ANKRD28: variants seen among roughly 807,000 people sequenced by gnomAD.
The protein encoded by ANKRD28 is ankyrin repeat domain 28.
In ANKRD28, 44 loss-of-function variants were observed where a neutral mutation model predicts 126.5. That is an observed-to-expected ratio of 0.35 (90% CI 0.27 to 0.45). The LOEUF (loss-of-function observed/expected upper bound fraction) is 0.45. Ranked by LOEUF, ANKRD28 falls within the 20% of genes least tolerant of loss-of-function variation. The pLI is 1.00. For missense variants in ANKRD28, 1,110 were observed against 1,316.6 expected, an observed-to-expected ratio of 0.84 and a Z score of 2.43; for synonymous variants, 442 against 468.5, an observed-to-expected ratio of 0.94 and a Z score of 0.73.
chr3:15,726,051 T>A (rs1458177516), intron 6 of ANKRD28, among the ~76,000 whole-genome samples: 1 of 152,000 alleles, frequency 6.6e-6, no homozygotes, highest in African/African-American at 2.4e-5. Flanking sequence ...TCCAAAAAAG[T>A]GGTTAACTTA....
intron 27 of ANKRD28, among the ~76,000 whole-genome samples, chr3:15,670,984 T>C (rs142902310): frequency 6.6e-6 from 1 of 152,386 alleles, no homozygotes; most frequent in Admixed American, 6.5e-5. Flanking sequence ...TGTAGTTATG[T>C]AAGGAAACTT....
chr3:15,826,759 G>C (rs2061075686), intron 1 of ANKRD28, among the ~76,000 whole-genome samples: 1 of 152,128 alleles, frequency 6.6e-6, no homozygotes, highest in African/African-American at 2.4e-5. Context: ...GAACTGAAAT[G>C]GCGGCAAAAT....
intron 26 of ANKRD28, chr3:15,676,302 T>C: frequency 4.3e-6 from 1 of 230,258 alleles, no homozygotes. Context: ...GAAATTGCAT[T>C]CCTCCGTTGT....
chr3:15,851,571 ATAAATAAATAAATAAAT>A (rs2061651419), intron 1 of ANKRD28, among the ~76,000 whole-genome samples: 1 of 151,298 alleles, frequency 6.6e-6, no homozygotes, highest in African/African-American at 2.4e-5. Flanking sequence ...AAATAAATAA[ATAAATAAATAAATAAAT>A]AAAAGAGATA....
Position 15,843,874 on chromosome 3 carries a change from G to A in ANKRD28, c.27+15503C>T, listed in dbSNP as rs374826766. On this transcript the variant is annotated intron_variant, in intron 1 of 27. Coordinates refer to the ANKRD28 transcript ENST00000399451. The surrounding 1 kb of genome is among the most constrained non-coding windows in gnomAD (Gnocchi z 5.2). ...AATGGGCAAGTTGCAAGAGGCAGAAGATGGAGATGAAAAGGAGAAGACTGA... is the reference window on the plus strand; with the variant it reads ...AATGGGCAAGTTGCAAGAGGCAGAAAATGGAGATGAAAAGGAGAAGACTGA... Among the ~76,000 whole-genome samples, 1 of 152,148 alleles carries A rather than the reference G, an allele frequency of 6.6e-6. No homozygotes were observed. Among genetic ancestry groups the A allele is most frequent in the Non-Finnish European group, 1.5e-5 (1 of 68,028 alleles).
intron 2 of ANKRD28, among the ~76,000 whole-genome samples, chr3:15,776,512 A>G (rs111553164): frequency 6.6e-6 from 1 of 152,242 alleles, no homozygotes; most frequent in African/African-American, 2.4e-5. Flanking sequence ...GATTCAAAAT[A>G]TGCAAAACTA....
chr3:15,734,882 C>G (rs1306295533), intron 6 of ANKRD28, among the ~76,000 whole-genome samples: 1 of 150,464 alleles, frequency 6.6e-6, no homozygotes, highest in Non-Finnish European at 1.5e-5. Context: ...TTCCCATGAG[C>G]TCTATTAGTT....
intron 4 of ANKRD28, among the ~76,000 whole-genome samples, chr3:15,748,738 C>T (rs896890183): frequency 1.3e-5 from 2 of 152,136 alleles, no homozygotes; most frequent in Non-Finnish European, 2.9e-5. Context: ...ATGTCCAGAT[C>T]TCTTGCAAGG....
intron 2 of ANKRD28, among the ~76,000 whole-genome samples, chr3:15,772,919 C>G (rs939424719): frequency 6.6e-6 from 1 of 152,018 alleles, no homozygotes; most frequent in African/African-American, 2.4e-5. Context: ...AAGGGTACAA[C>G]AAAAATCTAC....
intron 1 of ANKRD28, among the ~76,000 whole-genome samples, chr3:15,851,595 G>A (rs1484047829): frequency 6.6e-6 from 1 of 151,012 alleles, no homozygotes; most frequent in African/African-American, 2.4e-5. Flanking sequence ...AAATAAAAGA[G>A]ATACAACTTC....
At chr3:15,822,177 G>C (rs915045998) in intron 1 of ANKRD28, among the ~76,000 whole-genome samples, 2 of 152,210 alleles carry the variant, frequency 1.3e-5, no homozygotes, top group African/African-American at 4.8e-5. Context: ...TTTCAGCTCT[G>C]CGCAAGTAAA....
intron 14 of ANKRD28, among the ~76,000 whole-genome samples, chr3:15,701,873 G>A (rs990889563): frequency 1.3e-5 from 2 of 152,046 alleles, no homozygotes; most frequent in Non-Finnish European, 2.9e-5. Context: ...TGCTCACTGG[G>A]ATGCAGAAAA....
intron 1 of ANKRD28, among the ~76,000 whole-genome samples, chr3:15,831,183 T>C (rs1262675436): frequency 1.3e-5 from 2 of 152,172 alleles, no homozygotes; most frequent in Non-Finnish European, 2.9e-5. Flanking sequence ...AAGCAAATTA[T>C]CAAATCTGAG....
Position 15,670,507 on chromosome 3 carries a change from G to A in ANKRD28, c.3015C>T (p.Cys1005=). 6.2e-7 allele frequency: 1 copy of A among 1,613,920 alleles called. No individual in the cohort carries two copies. The highest frequency in any genetic ancestry group is 8.5e-7 in the Non-Finnish European group (1 of 1,179,860). Residue 1005 remains cysteine (C), a synonymous_variant, in exon 28 of 28, where the codon TGC becomes TGT. Transcript: ENST00000683139. ...ACAPNKDVAD[C]LALILATMMP... is the part of the protein sequence containing the mutation. ...TCATGGTGGCCAAAATGAGAGCCAG[G>A]CAATCAGCCACATCCTTATTGGGAG...
chr3:15,850,224 T>TATATATATAGAGAGAG (rs1418223588), intron 1 of ANKRD28, among the ~76,000 whole-genome samples: 85 of 35,076 alleles, frequency 2.4e-3, no homozygotes, highest in Non-Finnish European at 3.9e-3. Flanking sequence ...TATATATATA[T>TATATATATAGAGAGAG]AGAGAGAGAG....
chr3:15,677,422 C>T lies in ANKRD28; in HGVS notation c.2790+58G>A. 3 of 1,345,536 alleles carry T rather than the reference C, an allele frequency of 2.2e-6. No homozygotes were observed. The South Asian group carries it at 3.7e-5, about 16-fold the overall frequency. 83.3% of individuals were successfully genotyped at this position (1,345,536 alleles called of 1,614,324 possible). ...TGTTCATTTTAGTGAAGTCAAAAAA[C>T]TTTTAAGGTCACTGTTAATATTAAC... is the stretch of plus-strand genomic sequence containing the variant. On this transcript the variant is annotated intron_variant, in intron 25 of 27. Coordinates refer to ENST00000683139, the MANE Select transcript of ANKRD28 (RefSeq NM_001349278.2).
chr3:15,704,619 G>T (rs1355926802), intron 14 of ANKRD28, among the ~76,000 whole-genome samples: 1 of 152,118 alleles, frequency 6.6e-6, no homozygotes, highest in Non-Finnish European at 1.5e-5. Context: ...TTGGCAGAAT[G>T]AGTTATGCCT....
intron 2 of ANKRD28, among the ~76,000 whole-genome samples, chr3:15,779,063 T>A (rs1210144276): frequency 1.3e-5 from 2 of 152,158 alleles, no homozygotes; most frequent in African/African-American, 4.8e-5. Context: ...AACCTCTTTT[T>A]TAATAAATTA....
intron 1 of ANKRD28, among the ~76,000 whole-genome samples, chr3:15,831,892 T>C (rs985387842): frequency 6.6e-6 from 1 of 152,230 alleles, no homozygotes; most frequent in Non-Finnish European, 1.5e-5. Context: ...CTGTATCTTA[T>C]GCACACCACA....
Sources: gnomAD v4.1 joint callset for allele counts (sites outside exome capture counted in the v4.1 genomes callset) on GRCh38, gnomAD v4.1.1 for gene constraint, Gnocchi (gnomAD v3.1) non-coding constraint, MANE v1.5 for transcripts, NCBI Gene and HGNC (gene_info 2026-07-23, HGNC 2026-07-21) for gene names.